The following CGN variants were observed in gnomAD, a reference collection of about 807,000 sequenced individuals.
The protein encoded by CGN is cingulin.
A neutral mutation model predicts 157.1 loss-of-function variants in CGN; 121 were observed. The ratio of observed to expected loss-of-function variants is 0.77; its 90% CI spans 0.66 to 0.90. The LOEUF is 0.90. Ranked by LOEUF, CGN falls within the 40% of genes least tolerant of loss-of-function variation. The probability of loss-of-function intolerance (pLI) is 0.00; values close to 1 mark genes in which losing one functional copy is unlikely to be tolerated. For missense variants in CGN, 1,424 were observed against 1,520.9 expected (o/e 0.94, Z 1.06); for synonymous variants, 535 against 607.5 (o/e 0.88, Z 1.76).
In CGN at chr1:151,520,670, A is replaced by G. The variant is rs779057890; in HGVS notation, c.1119A>G (p.Arg373=). The part of the protein sequence containing the change: ...ELTRKVEELQ[R]KLDEEVKKRQ... ...CCCGAAAAGTGGAGGAGCTACAGCG[A>G]AAGCTGGATGAAGAGGTGAAGGTAA... Residue 373 remains arginine, a synonymous_variant, in exon 5 of 21, where the codon CGA becomes CGG. Coordinates refer to ENST00000271636, the MANE Select transcript of CGN (RefSeq NM_020770.3). 8.4e-5 allele frequency: 136 copies of G among 1,613,858 alleles called. No homozygotes were observed. The highest frequency in any genetic ancestry group is 1.1e-4 in the Non-Finnish European group (125 of 1,179,944).
At position 151,536,315 on chromosome 1, in the gene CGN, G is replaced by A. The variant is rs1029189257; in HGVS notation, c.3276G>A (p.Glu1092=). 9 of 1,611,162 alleles carry A rather than the reference G, an allele frequency of 5.6e-6. No individual in the cohort carries two copies. Among genetic ancestry groups the A allele is most frequent in the African/African-American group, 2.7e-5 (2 of 74,890 alleles). Residue 1092 remains glutamate (E), a synonymous_variant, in exon 19 of 21, where the codon GAG becomes GAA. Coordinates refer to ENST00000271636, the MANE Select transcript of CGN (RefSeq NM_020770.3). ...AACTATCCATCCAGATTGAAGACGA[G>A]CGGCAGCATGTCAATGACCAGAAAG... The part of the protein sequence containing the change: ...VKELSIQIED[E]RQHVNDQKDQ...
chr1:151,535,979 TC>T, intron 18 of CGN, 81 bp downstream of exon 18: 1 of 1,097,898 alleles, frequency 9.1e-7, no homozygotes, highest in Non-Finnish European at 1.4e-6. Context: ...TGTGGCTCCC[TC>T]CATCTTCCAC....
chr1:151,513,125 C>T (rs1664338434), intron 1 of CGN, among the ~76,000 whole-genome samples: 1 of 152,228 alleles, frequency 6.6e-6, no homozygotes, highest in Admixed American at 6.5e-5. Context: ...TCTGTCCTCT[C>T]CTTCAGAGCT....
At chr1:151,518,051 T>A (rs1322005270) in intron 1 of CGN, among the ~76,000 whole-genome samples, 1 of 152,178 alleles carries the variant, frequency 6.6e-6, no homozygotes, top group Non-Finnish European at 1.5e-5. Context: ...TTCACCATGT[T>A]GCCCGGACTG....
Position 151,519,505 on chromosome 1 carries a change from T to G in CGN, c.873+113T>G. The stretch of plus-strand genomic sequence containing the variant: ...TAATTCAAATAGCCTAGGCAGAAAC[T>G]CTCTGCCTTTTGTTCTCTACTGTAT... On this transcript the variant is annotated intron_variant, in intron 2 of 20. Coordinates refer to ENST00000271636, the MANE Select transcript of CGN (RefSeq NM_020770.3). The G allele has an allele frequency of 7.3e-6, 7 of 954,704 alleles. No individual in the cohort carries two copies. The South Asian group carries it at 1.2e-4, about 17-fold the overall frequency. The allele number at this position is 954,704 out of a possible 1,614,324, so 59.1% of individuals were successfully genotyped here.
upstream of CGN, chr1:151,511,312 G>T (rs370368493): frequency 7.8e-5 from 12 of 153,258 alleles, no homozygotes; most frequent in East Asian, 1.2e-3. This position sits in a 1 kb window ranked among gnomAD's most constrained non-coding sequence, Gnocchi z 4.8. Flanking sequence ...GCGGGGAAAG[G>T]CGGGGCGGGC....
In CGN at chr1:151,519,259, C is replaced by T. The variant is rs754582096; in HGVS notation, c.740C>T (p.Thr247Ile). 1 of 1,614,154 alleles carries T rather than the reference C, an allele frequency of 6.2e-7. No individual in the cohort carries two copies. Among genetic ancestry groups the T allele is most frequent in the Non-Finnish European group, 8.5e-7 (1 of 1,180,036 alleles). Residue 247 changes from threonine to isoleucine, a missense_variant, in exon 2 of 21, where the codon ACT (threonine) becomes ATT (isoleucine). Physicochemically the swap from Thr to Ile is moderately conservative, Grantham distance 89. Around this residue, in one of 3 missense-constraint regions of CGN, gnomAD observed 1,187 missense variants for 1,217.6 expected, o/e 0.97. Transcript: ENST00000271636. ...SSTKYDNHVG[T>I]SKQPAQSQNL... ...ACAAAATATGACAACCATGTGGGCA[C>T]TTCGAAGCAGCCAGCCCAGAGCCAG...
Position 151,530,086 on chromosome 1 carries a change from C to T in CGN, c.2284C>T (p.Arg762Ter), listed in dbSNP as rs1013068853. Reference protein sequence around the residue: ...LVDGGEAVEARLRDKLQRLEA... With the variant: ...LVDGGEAVEA ...GGATGGTGGGGAAGCGGTGGAGGCA[C>T]GACTACGGGACAAGCTGCAGCGGCT... Residue 762 changes from arginine to a stop codon, truncating the protein, a stop_gained, in exon 12 of 21, where the codon CGA becomes TGA. Transcript: ENST00000271636. LOFTEE classifies it high-confidence loss of function. 7.4e-6 allele frequency: 12 copies of T among 1,613,788 alleles called. No individual in the cohort carries two copies. The highest frequency in any genetic ancestry group is 4.5e-5 in the East Asian group (2 of 44,868).
intron 1 of CGN, among the ~76,000 whole-genome samples, chr1:151,514,820 G>A (rs1272564435): frequency 6.6e-6 from 1 of 152,134 alleles, no homozygotes; most frequent in Non-Finnish European, 1.5e-5. Context: ...GGTCAGGGAA[G>A]GCTTCTCTGA....
Position 151,535,628 on chromosome 1 carries a change from A to G in CGN, c.3023A>G (p.Gln1008Arg). ...GATCAGCTGAGGACAGAGCTCATGC[A>G]GGAAAGGTCTGCTCGGCAGGACCTG... ...QVDQLRTELM[Q>R]ERSARQDLEC... The change falls in exon 17 of 21, where the codon CAG becomes CGG. Residue 1008 changes from glutamine to arginine, a missense_variant. Coordinates refer to ENST00000271636, the MANE Select transcript of CGN (RefSeq NM_020770.3). The G allele has an allele frequency of 6.2e-7, 1 of 1,614,098 alleles. No homozygotes were observed. The highest frequency in any genetic ancestry group is 8.5e-7 in the Non-Finnish European group (1 of 1,180,006).
chr1:151,524,854 C>A lies in CGN; in HGVS notation c.1582C>A (p.Gln528Lys). ...VRQQYQRDTE[Q>K]LRRSMQDATQ... ...GCAGCAGTACCAGCGAGACACAGAG[C>A]AGCTCCGCAGGAGCATGCAAGATGC... Residue 528 changes from glutamine to lysine, a missense_variant, in exon 8 of 21, where the codon CAG (glutamine) becomes AAG (lysine). By Grantham distance (53) the Gln-to-Lys change is moderately conservative. This residue lies in a region of CGN where 1,187 missense variants were observed against 1,217.6 expected (regional missense o/e 0.97). Transcript: ENST00000271636. The surrounding 1 kb of genome is among the most constrained non-coding windows in gnomAD (Gnocchi z 4.4). 4 of 1,611,882 alleles carry A rather than the reference C, an allele frequency of 2.5e-6. No homozygotes were observed. The highest frequency in any genetic ancestry group is 3.4e-6 in the Non-Finnish European group (4 of 1,179,896).
At position 151,518,825 on chromosome 1, in the gene CGN, G is replaced by C; in HGVS notation, c.306G>C (p.Glu102Asp). Residue 102 changes from glutamate to aspartate, a missense_variant, in exon 2 of 21, where the codon GAG becomes GAC. By Grantham distance (45) the Glu-to-Asp change is conservative. This residue lies in a region of CGN where 1,187 missense variants were observed against 1,217.6 expected (regional missense o/e 0.97). Transcript: ENST00000271636. ...TGAGCTCAGATTTGGAACTCCCTGA[G>C]AACCCCTACTCTCAGGTCAAGGGAT... ...GALSSDLELP[E>D]NPYSQVKGFP... 6.2e-7 allele frequency: 1 copy of C among 1,614,036 alleles called. No homozygotes were observed. Among genetic ancestry groups the C allele is most frequent in the Non-Finnish European group, 8.5e-7 (1 of 1,179,958 alleles).
rs967052154 is a variant in CGN, at chr1:151,517,515, T to G, written c.-14-991T>G. 2.7e-4 allele frequency among the ~76,000 whole-genome samples: 41 copies of G among 151,828 alleles called. 1 individual carries two copies. Among genetic ancestry groups the G allele is most frequent in the African/African-American group, 8.9e-4 (37 of 41,464 alleles). ...GGGAAGAAGGCACACAGTGTTTTTTTTTTTTTTTTTTGGAGATAGAGTTTT... is the reference window on the plus strand; with the variant it reads ...GGGAAGAAGGCACACAGTGTTTTTTGTTTTTTTTTTTGGAGATAGAGTTTT... On this transcript the variant is annotated intron_variant, in intron 1 of 20. Transcript: ENST00000271636.
At position 151,525,786 on chromosome 1, in the gene CGN, C is replaced by A; in HGVS notation, c.1759C>A (p.Gln587Lys). Residue 587 changes from glutamine (Q) to lysine (K), a missense_variant, in exon 9 of 21, where the codon CAG (glutamine) becomes AAG (lysine). By Grantham distance (53) the Gln-to-Lys change is moderately conservative. This residue lies in a region of CGN where 1,187 missense variants were observed against 1,217.6 expected (regional missense o/e 0.97). Coordinates refer to ENST00000271636, the MANE Select transcript of CGN (RefSeq NM_020770.3). The part of the protein sequence containing the change: ...KNKEDLRATK[Q>K]ELLQLRMEKE... Reference sequence around the variant, plus strand: ...CAAGGAGGATCTTAGAGCCACCAAGCAGGAGTAAGGACATTGGCCCTCTCA... The same window carrying A: ...CAAGGAGGATCTTAGAGCCACCAAGAAGGAGTAAGGACATTGGCCCTCTCA... The A allele has an allele frequency of 1.3e-6, 2 of 1,596,726 alleles. No homozygotes were observed. The highest frequency in any genetic ancestry group is 1.7e-5 in the Admixed American group (1 of 58,612).
chr1:151,516,573 A>C (rs1571654421), intron 1 of CGN, among the ~76,000 whole-genome samples: 4 of 134,614 alleles, frequency 3.0e-5, no homozygotes, highest in East Asian at 2.2e-4. Flanking sequence ...ATAGAGTTTC[A>C]CTCTTGTTGC....
intron 10 of CGN, 29 bp from the exon 11 acceptor site, chr1:151,529,321 G>A (rs781433758): frequency 6.3e-7 from 1 of 1,588,790 alleles, no homozygotes; most frequent in Non-Finnish European, 8.6e-7. Context: ...GGCTCTGGGT[G>A]CCCCATCACC....
At chr1:151,518,308 A>T (rs1033066617) in intron 1 of CGN, among the ~76,000 whole-genome samples, 198 bp from the exon 2 acceptor site, 1 of 152,148 alleles carries the variant, frequency 6.6e-6, no homozygotes, top group Non-Finnish European at 1.5e-5. Context: ...CTCAAGTCCT[A>T]ACCCAGACCT....
chr1:151,518,439 C>A, intron 1 of CGN, 67 bp from the exon 2 acceptor site: 1 of 1,365,854 alleles, frequency 7.3e-7, no homozygotes. Context: ...GGAAGTCAGC[C>A]CGCAGGTAGA....
chr1:151,536,020 T>G (rs1664959836), intron 18 of CGN, 122 bp downstream of exon 18: 3 of 786,182 alleles, frequency 3.8e-6, no homozygotes, highest in Non-Finnish European at 6.4e-6. Context: ...GCCTGATCTT[T>G]AGGGAACACT....
Sources: allele counts gnomAD v4.1 joint callset (sites outside exome capture counted in the v4.1 genomes callset), GRCh38; gene constraint gnomAD v4.1.1; regional missense constraint gnomAD v4.1.1; non-coding constraint Gnocchi (gnomAD v3.1); transcripts MANE v1.5; gene names NCBI Gene and HGNC (gene_info 2026-07-23, HGNC 2026-07-21).